Variants in UBE4B observed in about 807,000 individuals in gnomAD.
UBE4B encodes ubiquitin conjugation factor E4 B.
In UBE4B, 27 loss-of-function variants were observed where a neutral mutation model predicts 148.1. That is an observed-to-expected ratio of 0.18 (90% confidence interval 0.13 to 0.25). The LOEUF is 0.25. Ranked by LOEUF, UBE4B falls within the 10% of genes least tolerant of loss-of-function variation. UBE4B has a pLI of 1.00. For missense variants in UBE4B, 1,170 were observed against 1,662.4 expected, an observed-to-expected ratio of 0.70 and a Z score of 5.15; for synonymous variants, 596 against 619.3, an observed-to-expected ratio of 0.96 and a Z score of 0.56.
rs778853378 is a variant in UBE4B at position 10,137,068 on chromosome 1, T to C, written c.2226T>C (p.Tyr742=). The change falls in exon 17 of 28, where the codon TAT becomes TAC. Residue 742 remains tyrosine (Y), a splice_region_variant and synonymous_variant. Coordinates refer to ENST00000343090, the MANE Select transcript of UBE4B (RefSeq NM_001105562.3). ...EDVNDWLTEL[Y]GDQPPFSEPK... Reference sequence around the variant, plus strand: ...AGGGAATGATGTTATTTTTCCTAGATGGCGATCAGCCTCCATTTTCTGAGC... The same window carrying C: ...AGGGAATGATGTTATTTTTCCTAGACGGCGATCAGCCTCCATTTTCTGAGC... The C allele has an allele frequency of 2.5e-6, 4 of 1,614,096 alleles. No homozygotes were observed. The highest frequency in any genetic ancestry group is 2.2e-5 in the South Asian group (2 of 91,084).
chr1:10,067,769 C>A (rs1007953896), intron 1 of UBE4B, among the ~76,000 whole-genome samples: 19 of 152,046 alleles, frequency 1.2e-4, no homozygotes, highest in Non-Finnish European at 2.8e-4. Context: ...ACTCTATGGC[C>A]CAGGCTGGAG....
chr1:10,094,348 T>C (rs1308882899), intron 2 of UBE4B, among the ~76,000 whole-genome samples: 2 of 152,162 alleles, frequency 1.3e-5, no homozygotes, highest in Non-Finnish European at 2.9e-5. Context: ...TTTCAATATT[T>C]TACTATAAAA....
chr1:10,056,271 T>C (rs1377940690), intron 1 of UBE4B, among the ~76,000 whole-genome samples: 2 of 152,178 alleles, frequency 1.3e-5, no homozygotes, highest in African/African-American at 4.8e-5. Flanking sequence ...ACTCGTATTA[T>C]TTAGATAAAG....
chr1:10,134,444 G>A (rs921703108), intron 15 of UBE4B, among the ~76,000 whole-genome samples: 10 of 152,136 alleles, frequency 6.6e-5, no homozygotes, highest in East Asian at 5.8e-4. Context: ...CCCGGGAGGC[G>A]GAGGTTGTAG....
intron 17 of UBE4B, 109 bp from the exon 18 acceptor site, chr1:10,144,831 C>A: frequency 3.1e-6 from 2 of 651,630 alleles, no homozygotes; most frequent in Non-Finnish European, 5.2e-6. Context: ...AAAGATGTTA[C>A]AATGCGAAAA....
chr1:10,121,183 C>T (rs1371148008), intron 9 of UBE4B, among the ~76,000 whole-genome samples: 1 of 151,480 alleles, frequency 6.6e-6, no homozygotes, highest in Non-Finnish European at 1.5e-5. Flanking sequence ...TGGTGAAACC[C>T]CATCTCTACT....
chr1:10,077,859 AT>A (rs773371398), intron 2 of UBE4B, among the ~76,000 whole-genome samples: 117 of 152,320 alleles, frequency 7.7e-4, no homozygotes, highest in Non-Finnish European at 1.2e-3. Flanking sequence ...TCCACAGGTC[AT>A]TGCTGTTCCA....
intron 1 of UBE4B, among the ~76,000 whole-genome samples, chr1:10,063,503 C>G (rs996330901): frequency 6.6e-6 from 1 of 152,206 alleles, no homozygotes; most frequent in Non-Finnish European, 1.5e-5. Context: ...GTTGGGAACA[C>G]AGATCAAGTA....
Position 10,179,689 on chromosome 1 carries a change from T to G in UBE4B, c.3847+127T>G, listed in dbSNP as rs1646477825. 2.0e-6 allele frequency: 3 copies of G among 1,482,566 alleles called. No individual in the cohort carries two copies. In the Admixed American group the frequency reaches 6.1e-5, roughly 30 times the overall value. The allele number at this position is 1,482,566 out of a possible 1,614,324, so 91.8% of individuals were successfully genotyped here. On this transcript the variant is annotated intron_variant, in intron 27 of 27. Coordinates refer to ENST00000343090, the MANE Select transcript of UBE4B (RefSeq NM_001105562.3). Reference sequence around the variant, plus strand: ...GCAGAAACTACCTACTTTATGACACTCTGTAGCAAAGACCCAAAACACTCT... The same window carrying G: ...GCAGAAACTACCTACTTTATGACACGCTGTAGCAAAGACCCAAAACACTCT...
At chr1:10,150,719 G>A (rs1355443376) in intron 20 of UBE4B, among the ~76,000 whole-genome samples, 1 of 150,924 alleles carries the variant, frequency 6.6e-6, no homozygotes, top group Non-Finnish European at 1.5e-5. Context: ...AGTTAGCTGG[G>A]CATGGTGGCA....
rs766310906 is a variant in UBE4B at position 10,117,409 on chromosome 1, A to G, written c.1197-50A>G. The G allele has an allele frequency of 1.1e-5, 18 of 1,605,924 alleles. 1 individual carries two copies. The South Asian group carries it at 2.0e-4, about 18-fold the overall frequency. On this transcript the variant is annotated intron_variant, in intron 7 of 27. Coordinates refer to ENST00000343090, the MANE Select transcript of UBE4B (RefSeq NM_001105562.3). ...CTGCTGCAGAAATGCAAACTCTGCC[A>G]AAAATAATCAAGAGATAAGAATCAG...
In UBE4B at chr1:10,106,387, A is replaced by G. The variant is rs746196068; in HGVS notation, c.1000A>G (p.Thr334Ala). 3 of 1,613,346 alleles carry G rather than the reference A, an allele frequency of 1.9e-6. No individual in the cohort carries two copies. Among genetic ancestry groups the G allele is most frequent in the Admixed American group, 1.7e-5 (1 of 59,946 alleles). ...QPSSPRYRPY[T>A]VTHPWASSGV... ...TTCATCCCCGCGGTATCGCCCCTACACTGTCACTCACCCATGGGCGTCCTC... is the reference window on the plus strand; with the variant it reads ...TTCATCCCCGCGGTATCGCCCCTACGCTGTCACTCACCCATGGGCGTCCTC... The change falls in exon 7 of 28, where the codon ACT (threonine) becomes GCT (alanine). Residue 334 changes from threonine (T) to alanine (A), a missense_variant. Transcript: ENST00000343090. This position sits in a 1 kb window ranked among gnomAD's most constrained non-coding sequence, Gnocchi z 4.2.
rs575547731 is a variant in UBE4B at position 10,065,011 on chromosome 1, G to A, written c.25-7017G>A. On this transcript the variant is annotated intron_variant, in intron 1 of 27. Coordinates refer to ENST00000343090, the MANE Select transcript of UBE4B (RefSeq NM_001105562.3). ...ACTCCTGACCTCAAGTGATCCACCCGCCTGGCCTCCCAAAGTGCTGGGATT... is the reference window on the plus strand; with the variant it reads ...ACTCCTGACCTCAAGTGATCCACCCACCTGGCCTCCCAAAGTGCTGGGATT... Among the ~76,000 whole-genome samples the A allele has an allele frequency of 2.6e-5, 4 of 152,158 alleles. No individual in the cohort carries two copies. In the South Asian group the frequency reaches 6.2e-4, roughly 24 times the overall value.
intron 1 of UBE4B, among the ~76,000 whole-genome samples, chr1:10,071,593 G>A (rs1644485323): frequency 6.6e-6 from 1 of 152,110 alleles, no homozygotes; most frequent in South Asian, 2.1e-4. Context: ...CTAAAATGAA[G>A]TGTAATATGC....
intron 5 of UBE4B, among the ~76,000 whole-genome samples, chr1:10,104,440 A>G (rs969340042): frequency 2.6e-5 from 4 of 152,082 alleles, no homozygotes; most frequent in Non-Finnish European, 5.9e-5. Context: ...TGTTTTACTC[A>G]TTGATGTATC....
rs750047497 is a variant in UBE4B, at chr1:10,121,927, C to G, written c.1440-35C>G. The G allele has an allele frequency of 1.0e-5, 15 of 1,480,706 alleles. No homozygotes were observed. In the Admixed American group the frequency reaches 2.6e-4, roughly 25 times the overall value. The allele number at this position is 1,480,706 out of a possible 1,614,324, so 91.7% of individuals were successfully genotyped here. A position where few individuals can be genotyped will look rare whatever the true frequency, so the allele number is the denominator to read the frequency against. The stretch of plus-strand genomic sequence containing the variant: ...TTCACGTGCCTCTGTAGTGAGTTGA[C>G]TTCATCACCGTCCCTAATGTTCATG... On this transcript the variant is annotated intron_variant, in intron 9 of 27. Coordinates refer to ENST00000343090, the MANE Select transcript of UBE4B (RefSeq NM_001105562.3).
intron 7 of UBE4B, among the ~76,000 whole-genome samples, chr1:10,114,333 G>A (rs1157867851): frequency 2.6e-5 from 4 of 152,186 alleles, no homozygotes; most frequent in Admixed American, 2.6e-4. Flanking sequence ...CAGCAGAGGA[G>A]GGATCGCAGG....
At chr1:10,036,250 G>T (rs1557499837) in intron 1 of UBE4B, among the ~76,000 whole-genome samples, 1 of 152,042 alleles carries the variant, frequency 6.6e-6, no homozygotes, top group Non-Finnish European at 1.5e-5. Flanking sequence ...CCTTGAGGAA[G>T]GTGTAACTTT....
intron 1 of UBE4B, among the ~76,000 whole-genome samples, chr1:10,063,328 C>T (rs1228910652): frequency 6.6e-6 from 1 of 152,120 alleles, no homozygotes; most frequent in Non-Finnish European, 1.5e-5. Context: ...GTTGGGTATT[C>T]TTCCAGGTAC....
Sources: allele counts gnomAD v4.1 joint callset (sites outside exome capture counted in the v4.1 genomes callset), GRCh38; gene constraint gnomAD v4.1.1; non-coding constraint Gnocchi (gnomAD v3.1); transcripts MANE v1.5; gene names NCBI Gene and HGNC (gene_info 2026-07-23, HGNC 2026-07-21).